The following CDC123 variants were observed in gnomAD, a reference collection of about 807,000 sequenced individuals.
The protein encoded by CDC123 is translation initiation factor eIF2 assembly protein.
A neutral mutation model predicts 54.4 loss-of-function variants in CDC123; 37 were observed. That is an observed-to-expected ratio of 0.68 (90% CI 0.52 to 0.89). CDC123 has a LOEUF of 0.89. CDC123 is among the 40% of genes least tolerant of loss of function. The pLI, the probability that CDC123 is intolerant of heterozygous loss-of-function variation, is 0.00. For missense variants in CDC123, 361 were observed against 412.1 expected (o/e 0.88, Z 1.07); for synonymous variants, 144 against 136.8 (o/e 1.05, Z -0.37).
intron 4 of CDC123, 81 bp from the exon 5 acceptor site, chr10:12,215,659 A>G (rs1032007678): frequency 2.3e-5 from 17 of 736,174 alleles, no homozygotes; most frequent in Non-Finnish European, 3.0e-5. Flanking sequence ...ACCCTAAACT[A>G]TAACCTTGAG....
At chr10:12,225,742 CTCTCTT>C (rs1835803043) in intron 6 of CDC123, among the ~76,000 whole-genome samples, 1 of 97,514 alleles carries the variant, frequency 1.0e-5, no homozygotes, top group Non-Finnish European at 2.0e-5. Flanking sequence ...TTTCTAGCTT[CTCTCTT>C]TTTTTTTTTT....
At chr10:12,242,360 C>T (rs1435891579) in intron 10 of CDC123, among the ~76,000 whole-genome samples, 1 of 152,006 alleles carries the variant, frequency 6.6e-6, no homozygotes, top group Non-Finnish European at 1.5e-5. Flanking sequence ...GTTCTTGCCT[C>T]TCTTGAAGCA....
chr10:12,200,120 AT>A (rs543337462), intron 2 of CDC123, among the ~76,000 whole-genome samples: 2,620 of 59,294 alleles, frequency 0.044, 88 homozygotes, highest in Middle Eastern at 0.095. Flanking sequence ...CGCACTCGGC[AT>A]TTTTTTTTTT....
intron 10 of CDC123, 32 bp downstream of exon 10, chr10:12,238,517 TATAAG>T (rs746308913): frequency 1.9e-6 from 3 of 1,602,714 alleles, no homozygotes; most frequent in Non-Finnish European, 1.7e-6. Flanking sequence ...TATGCTTTAA[TATAAG>T]AGCTGGTTTT....
intron 7 of CDC123, among the ~76,000 whole-genome samples, chr10:12,233,110 G>A (rs1034354052): frequency 6.6e-6 from 1 of 152,014 alleles, no homozygotes; most frequent in Non-Finnish European, 1.5e-5. Flanking sequence ...TTATTTACCA[G>A]CAGTTTGCTC....
At chr10:12,238,124 G>A (rs183221277) in intron 9 of CDC123, among the ~76,000 whole-genome samples, 1 of 152,274 alleles carries the variant, frequency 6.6e-6, no homozygotes, top group Non-Finnish European at 1.5e-5. Context: ...AGTGATTGAT[G>A]CCCGTTTCAC....
chr10:12,225,907 G>A (rs1009120883), intron 6 of CDC123, among the ~76,000 whole-genome samples: 1 of 151,912 alleles, frequency 6.6e-6, no homozygotes, highest in African/African-American at 2.4e-5. Flanking sequence ...AGGACCCTGC[G>A]GCCTTCTGCA....
At chr10:12,226,172 C>A (rs1423580661) in intron 6 of CDC123, among the ~76,000 whole-genome samples, 1 of 152,200 alleles carries the variant, frequency 6.6e-6, no homozygotes. Flanking sequence ...TCTACACAGA[C>A]ACAGCAACAA....
chr10:12,216,508 T>A (rs772822269), intron 5 of CDC123, among the ~76,000 whole-genome samples: 1 of 152,238 alleles, frequency 6.6e-6, no homozygotes, highest in Non-Finnish European at 1.5e-5. Flanking sequence ...TTAATTATAC[T>A]CTACATGTAC....
intron 2 of CDC123, among the ~76,000 whole-genome samples, chr10:12,199,388 G>GC (rs1331104436): frequency 6.6e-6 from 1 of 152,112 alleles, no homozygotes; most frequent in Non-Finnish European, 1.5e-5. Context: ...TTCTAAAATA[G>GC]CCTGACAGTA....
At position 12,249,736 on chromosome 10, in the gene CDC123, T is replaced by G. The variant is rs1423277360; in HGVS notation, c.984+18T>G. 1.3e-6 allele frequency: 2 copies of G among 1,581,916 alleles called. No individual in the cohort carries two copies. The highest frequency in any genetic ancestry group is 1.7e-6 in the Non-Finnish European group (2 of 1,166,852). ...TTAAGCTGGTAAAGTCTATGTGCATTTAGTATGCTGGCCATCTTTTCAAAT... is the reference window on the plus strand; with the variant it reads ...TTAAGCTGGTAAAGTCTATGTGCATGTAGTATGCTGGCCATCTTTTCAAAT... On this transcript the variant is annotated intron_variant, in intron 12 of 12. Coordinates refer to ENST00000281141, the MANE Select transcript of CDC123 (RefSeq NM_006023.3).
At chr10:12,224,688 A>G (rs982003574) in intron 6 of CDC123, among the ~76,000 whole-genome samples, 3 of 152,240 alleles carry the variant, frequency 2.0e-5, no homozygotes, top group Non-Finnish European at 4.4e-5. Context: ...TTCTTTTGGT[A>G]CTTTGTTGAA....
At chr10:12,248,495 G>A (rs1267023845) in intron 11 of CDC123, among the ~76,000 whole-genome samples, 2 of 147,504 alleles carry the variant, frequency 1.4e-5, no homozygotes, top group African/African-American at 5.0e-5. Context: ...CTGGGTGACA[G>A]AGCGGGACTC....
intron 5 of CDC123, among the ~76,000 whole-genome samples, chr10:12,216,420 A>G (rs1169558842): frequency 6.6e-6 from 1 of 152,216 alleles, no homozygotes; most frequent in Non-Finnish European, 1.5e-5. Flanking sequence ...TTATTCTAAA[A>G]TGAATGATAA....
In CDC123 at chr10:12,250,415, G is replaced by A. The variant is rs559514948; in HGVS notation, c.*78G>A. 2.7e-5 allele frequency: 30 copies of A among 1,093,504 alleles called. No homozygotes were observed. Among genetic ancestry groups the A allele is most frequent in the African/African-American group, 2.2e-4 (14 of 65,074 alleles). The allele number at this position is 1,093,504 out of a possible 1,614,324, so 67.7% of individuals were successfully genotyped here. On this transcript the variant is annotated 3_prime_UTR_variant, in exon 13 of 13. Coordinates refer to ENST00000281141, the MANE Select transcript of CDC123 (RefSeq NM_006023.3). ...TGCTCATCAGCCGCAACTTCCTGCC[G>A]ACCCTGATGCGGGTGGGCCGAGCAG...
chr10:12,236,181 CTT>C (rs1835974664), intron 8 of CDC123, among the ~76,000 whole-genome samples: 1 of 152,214 alleles, frequency 6.6e-6, no homozygotes, highest in South Asian at 2.1e-4. Context: ...TGCAGAGACT[CTT>C]TGGAAGAAAG....
chr10:12,200,854 A>G (rs1006342233), intron 2 of CDC123, among the ~76,000 whole-genome samples: 16 of 152,128 alleles, frequency 1.1e-4, no homozygotes, highest in Non-Finnish European at 2.1e-4. Flanking sequence ...AATTACTTGA[A>G]CGCAGGAGGT....
intron 4 of CDC123, among the ~76,000 whole-genome samples, chr10:12,212,732 C>G (rs1036247282): frequency 2.0e-5 from 3 of 152,186 alleles, no homozygotes; most frequent in Admixed American, 1.3e-4. Flanking sequence ...GGTGCACAAC[C>G]CAGCTCATTC....
chr10:12,202,319 A>G (rs1835450195), intron 2 of CDC123, among the ~76,000 whole-genome samples: 2 of 152,122 alleles, frequency 1.3e-5, no homozygotes, highest in South Asian at 4.1e-4. Flanking sequence ...GTGGAGTTAT[A>G]TAGTATGTAT....
Sources: gnomAD v4.1 joint callset for allele counts (sites outside exome capture counted in the v4.1 genomes callset) on GRCh38, gnomAD v4.1.1 for gene constraint, MANE v1.5 for transcripts, NCBI Gene and HGNC (gene_info 2026-07-23, HGNC 2026-07-21) for gene names.